Variants in SPAG16 observed in about 807,000 individuals in gnomAD.
SPAG16 encodes sperm-associated antigen 16 protein.
SPAG16 carries 86 observed loss-of-function variants against 80.4 expected under a neutral mutation model. The ratio of observed to expected loss-of-function variants is 1.07; its 90% CI spans 0.90 to 1.28. The LOEUF (loss-of-function observed/expected upper bound fraction) is 1.28, where lower values mean the gene tolerates loss of function less well. Among genes scored for constraint, SPAG16 ranks in the 50% most tolerant of loss-of-function variants. The pLI is 0.00. For synonymous variants in SPAG16, 294 were observed against 265.9 expected, an observed-to-expected ratio of 1.11 and a Z score of -1.03; for missense variants, 870 against 765.3, an observed-to-expected ratio of 1.14 and a Z score of -1.61.
chr2:213,632,429 A>T (rs961190978), intron 10 of SPAG16, among the ~76,000 whole-genome samples: 8 of 152,072 alleles, frequency 5.3e-5, no homozygotes, highest in Non-Finnish European at 1.0e-4. Flanking sequence ...GGATAATTTG[A>T]CTTCTTCCTT....
intron 10 of SPAG16, among the ~76,000 whole-genome samples, chr2:213,717,115 C>T (rs1370345792): frequency 2.0e-5 from 3 of 151,538 alleles, no homozygotes; most frequent in African/African-American, 7.3e-5. Context: ...CTGCTGTACT[C>T]GCTCCCTACG....
At chr2:213,733,997 A>G (rs989575063) in intron 10 of SPAG16, among the ~76,000 whole-genome samples, 2 of 152,086 alleles carry the variant, frequency 1.3e-5, no homozygotes, top group Non-Finnish European at 2.9e-5. Context: ...CTAAACCTGA[A>G]ACTTACTAGA....
intron 15 of SPAG16, among the ~76,000 whole-genome samples, chr2:214,355,925 A>G (rs12992687): frequency 6.7e-6 from 1 of 149,932 alleles, no homozygotes; most frequent in East Asian, 2.0e-4. Flanking sequence ...TCGCAAGGAC[A>G]AAAAACCAAA....
intron 11 of SPAG16, among the ~76,000 whole-genome samples, chr2:213,922,215 C>G (rs1196371774): frequency 6.6e-6 from 1 of 151,422 alleles, no homozygotes; most frequent in African/African-American, 2.4e-5. Context: ...AGATTTTGCT[C>G]CTTCCTTTTA....
intron 11 of SPAG16, among the ~76,000 whole-genome samples, chr2:213,890,814 A>T (rs11684659): frequency 6.6e-6 from 1 of 151,908 alleles, no homozygotes; most frequent in Non-Finnish European, 1.5e-5. Context: ...TTGCTCATCT[A>T]TCTTTTCATT....
At chr2:213,938,293 T>C (rs1267698417) in intron 12 of SPAG16, among the ~76,000 whole-genome samples, 1 of 151,996 alleles carries the variant, frequency 6.6e-6, no homozygotes, top group African/African-American at 2.4e-5. Context: ...TCTACACTAA[T>C]GTATGGTAAA....
chr2:213,611,485 A>G (rs1189636256), intron 10 of SPAG16, among the ~76,000 whole-genome samples: 1 of 152,224 alleles, frequency 6.6e-6, no homozygotes, highest in Non-Finnish European at 1.5e-5. Context: ...AAGCTATATT[A>G]GATATACTGT....
At chr2:213,420,491 A>G (rs1446679104) in intron 9 of SPAG16, among the ~76,000 whole-genome samples, 3 of 152,220 alleles carry the variant, frequency 2.0e-5, no homozygotes, top group Admixed American at 2.0e-4. Flanking sequence ...GAAGGCACAT[A>G]TACACACTTT....
chr2:213,310,087 A>T lies in SPAG16; in HGVS notation c.308A>T (p.His103Leu). The T allele has an allele frequency of 1.2e-6, 2 of 1,610,588 alleles. No homozygotes were observed. Among genetic ancestry groups the T allele is most frequent in the East Asian group, 4.5e-5 (2 of 44,732 alleles). Residue 103 changes from histidine (H) to leucine (L), a missense_variant, in exon 4 of 16, where the codon CAT becomes CTT. By Grantham distance (99) the His-to-Leu change is moderately conservative. Transcript: ENST00000331683. ...CGGAAAACAGTTCTTCCTTCAAAGCATGCAGTACCTGAAGTAATAGAAGAC... is the reference window on the plus strand; with the variant it reads ...CGGAAAACAGTTCTTCCTTCAAAGCTTGCAGTACCTGAAGTAATAGAAGAC... ...LERKTVLPSKHAVPEVIEDFL... is the reference protein window; with the variant it reads ...LERKTVLPSKLAVPEVIEDFL...
intron 9 of SPAG16, among the ~76,000 whole-genome samples, chr2:213,378,140 A>T: frequency 6.6e-6 from 1 of 151,746 alleles, no homozygotes; most frequent in East Asian, 1.9e-4. Flanking sequence ...GTCTTTTCAC[A>T]TTTTTCTGCC....
chr2:213,337,763 A>G (rs2064447647), intron 5 of SPAG16, among the ~76,000 whole-genome samples: 1 of 152,190 alleles, frequency 6.6e-6, no homozygotes, highest in African/African-American at 2.4e-5. Flanking sequence ...AGTATCTGAA[A>G]GAGACGGAGA....
At chr2:214,381,765 C>T (rs1559258564) in intron 15 of SPAG16, among the ~76,000 whole-genome samples, 2 of 152,120 alleles carry the variant, frequency 1.3e-5, no homozygotes, top group Non-Finnish European at 2.9e-5. Context: ...TTACTTAATC[C>T]AATCCAAACA....
intron 10 of SPAG16, among the ~76,000 whole-genome samples, chr2:213,512,178 G>T (rs2075253157): frequency 6.6e-6 from 1 of 151,984 alleles, no homozygotes; most frequent in Non-Finnish European, 1.5e-5. Context: ...GTAGAATTCA[G>T]TTAAAATTCA....
chr2:214,351,869 T>A (rs1231063998), intron 15 of SPAG16, among the ~76,000 whole-genome samples: 2 of 152,178 alleles, frequency 1.3e-5, no homozygotes, highest in Non-Finnish European at 2.9e-5. Flanking sequence ...CAATGGACTG[T>A]GAGTCTCTTA....
intron 13 of SPAG16, among the ~76,000 whole-genome samples, chr2:214,087,869 C>T (rs796882749): frequency 2.0e-5 from 3 of 151,964 alleles, no homozygotes; most frequent in African/African-American, 7.2e-5. Flanking sequence ...AGGCAATGAA[C>T]AGGAAGAACA....
At chr2:213,630,990 G>A (rs769872207) in intron 10 of SPAG16, among the ~76,000 whole-genome samples, 1 of 152,134 alleles carries the variant, frequency 6.6e-6, no homozygotes, top group Non-Finnish European at 1.5e-5. Flanking sequence ...ATCAGGGAAG[G>A]TTACTCTTAG....
At chr2:213,573,354 C>T (rs982736146) in intron 10 of SPAG16, among the ~76,000 whole-genome samples, 3 of 152,192 alleles carry the variant, frequency 2.0e-5, no homozygotes, top group Non-Finnish European at 4.4e-5. Context: ...TTTTATTTCT[C>T]TGTGATAATT....
chr2:214,305,389 G>A (rs766490299), intron 15 of SPAG16, among the ~76,000 whole-genome samples: 1 of 152,004 alleles, frequency 6.6e-6, no homozygotes, highest in Non-Finnish European at 1.5e-5. Flanking sequence ...GATCCCATTT[G>A]TCAACTTTTT....
At chr2:213,577,959 CT>C (rs1253610109) in intron 10 of SPAG16, among the ~76,000 whole-genome samples, 1 of 152,050 alleles carries the variant, frequency 6.6e-6, no homozygotes, top group Admixed American at 6.6e-5. Flanking sequence ...ACTTCCTCTG[CT>C]TGCATTCGAT....
Sources: allele counts gnomAD v4.1 joint callset (sites outside exome capture counted in the v4.1 genomes callset), GRCh38; gene constraint gnomAD v4.1.1; transcripts MANE v1.5; gene names NCBI Gene and HGNC (gene_info 2026-07-23, HGNC 2026-07-21).